The following HIVEP1 variants were observed in gnomAD, a reference collection of about 807,000 sequenced individuals.
The protein encoded by HIVEP1 is zinc finger protein 40.
HIVEP1 carries 36 observed loss-of-function variants against 180.0 expected under a neutral mutation model. The observed-to-expected ratio is 0.20, with a 90% CI of 0.15 to 0.26. HIVEP1 has a LOEUF of 0.26. HIVEP1 is among the 10% of genes least tolerant of loss of function. The pLI, the probability that HIVEP1 is intolerant of heterozygous loss-of-function variation, is 1.00. For missense variants in HIVEP1, 3,143 were observed against 3,268.7 expected (o/e 0.96, Z 0.94); for synonymous variants, 1,239 against 1,239.0 (o/e 1.00, Z 0.00).
At chr6:12,021,623 A>G (rs1244305400) in intron 2 of HIVEP1, among the ~76,000 whole-genome samples, 1 of 152,056 alleles carries the variant, frequency 6.6e-6, no homozygotes, top group Non-Finnish European at 1.5e-5. Flanking sequence ...GTTAGAAGAG[A>G]CCATTTTGGT....
intron 2 of HIVEP1, among the ~76,000 whole-genome samples, chr6:12,021,514 G>T (rs978947383): frequency 1.3e-5 from 2 of 151,906 alleles, no homozygotes; most frequent in Non-Finnish European, 2.9e-5. Context: ...ACATGCCCTG[G>T]GTCTCCTTTG....
At chr6:12,075,148 G>A (rs894952124) in intron 2 of HIVEP1, among the ~76,000 whole-genome samples, 4 of 152,240 alleles carry the variant, frequency 2.6e-5, no homozygotes, top group African/African-American at 4.8e-5. Flanking sequence ...CAGGCACGTA[G>A]ACACGTGCAT....
the HIVEP1 span, among the ~76,000 whole-genome samples, chr6:12,199,405 A>G: frequency 8.3e-6 from 1 of 120,494 alleles, no homozygotes; most frequent in African/African-American, 3.3e-5. Flanking sequence ...CTTGCTGCCC[A>G]GGCTGGAGGA....
At chr6:12,191,716 C>G in the HIVEP1 span, among the ~76,000 whole-genome samples, 13 of 152,248 alleles carry the variant, frequency 8.5e-5, no homozygotes, top group Middle Eastern at 3.4e-3. Context: ...ATCCAATACA[C>G]GGTGTAGTTA....
the HIVEP1 span, among the ~76,000 whole-genome samples, chr6:12,194,793 C>A: frequency 6.6e-6 from 1 of 152,106 alleles, no homozygotes; most frequent in East Asian, 1.9e-4. Context: ...CAGAGCGAGA[C>A]TGTGTCTCAA....
intron 2 of HIVEP1, chr6:12,038,887 T>C (rs988593701): frequency 7.2e-5 from 11 of 152,262 alleles, no homozygotes; most frequent in African/African-American, 2.7e-4. Flanking sequence ...GTTTTACTTC[T>C]GACTGTCATT....
chr6:12,118,256 T>A (rs1775346553), intron 3 of HIVEP1, among the ~76,000 whole-genome samples: 1 of 152,170 alleles, frequency 6.6e-6, no homozygotes, highest in Admixed American at 6.5e-5. Context: ...CTAGAATATT[T>A]CTAATGTAAA....
Position 12,161,742 on chromosome 6 carries a change from A to T in HIVEP1, c.6791A>T (p.Gln2264Leu), listed in dbSNP as rs778399344. 5.0e-6 allele frequency: 8 copies of T among 1,614,066 alleles called. No homozygotes were observed. Among genetic ancestry groups the T allele is most frequent in the African/African-American group, 2.7e-5 (2 of 74,944 alleles). ...AGAATGACTGTCCTGAGCACAGCAC[A>T]GTCTGACTACAATAGGAAGACACTC... ...LTRMTVLSTA[Q>L]SDYNRKTLSP... Residue 2264 changes from glutamine (Q) to leucine (L), a missense_variant, in exon 8 of 9, where the codon CAG (glutamine) becomes CTG (leucine). Around this residue, in one of 12 missense-constraint regions of HIVEP1, gnomAD observed 595 missense variants for 602.2 expected, o/e 0.99. Coordinates refer to ENST00000379388, the MANE Select transcript of HIVEP1 (RefSeq NM_002114.4).
chr6:12,186,482 G>A, the HIVEP1 span, among the ~76,000 whole-genome samples: 1 of 148,696 alleles, frequency 6.7e-6, no homozygotes, highest in African/African-American at 2.5e-5. Context: ...TGATGGAAAT[G>A]TTCTTACACA....
At chr6:12,132,430 G>C (rs1329346127) in intron 6 of HIVEP1, among the ~76,000 whole-genome samples, 1 of 152,008 alleles carries the variant, frequency 6.6e-6, no homozygotes, top group Admixed American at 6.6e-5. Flanking sequence ...TCAATAGAAA[G>C]AAGAAAAAGA....
chr6:12,184,800 G>T, the HIVEP1 span, among the ~76,000 whole-genome samples: 4 of 152,066 alleles, frequency 2.6e-5, no homozygotes, highest in Non-Finnish European at 4.4e-5. Context: ...AGAGTAAAAG[G>T]TTCAGCTGAA....
chr6:12,060,515 T>C (rs1274104655), intron 2 of HIVEP1, among the ~76,000 whole-genome samples: 1 of 152,212 alleles, frequency 6.6e-6, no homozygotes, highest in African/African-American at 2.4e-5. Context: ...AAAGAAACAA[T>C]GCATATTAAG....
At chr6:12,087,361 T>C (rs1773179802) in intron 2 of HIVEP1, among the ~76,000 whole-genome samples, 1 of 152,104 alleles carries the variant, frequency 6.6e-6, no homozygotes, top group Non-Finnish European at 1.5e-5. Context: ...ACTGATTCTA[T>C]TAAGAAAAGT....
chr6:12,021,496 C>A (rs1349889311), intron 2 of HIVEP1, among the ~76,000 whole-genome samples: 2 of 152,198 alleles, frequency 1.3e-5, no homozygotes, highest in Non-Finnish European at 1.5e-5. Flanking sequence ...TCCTCCTCCC[C>A]TCCACAGACA....
chr6:12,197,383 C>A, the HIVEP1 span, among the ~76,000 whole-genome samples: 1 of 151,794 alleles, frequency 6.6e-6, no homozygotes, highest in Non-Finnish European at 1.5e-5. Context: ...CATGGCGAAA[C>A]CCCGTCTCTA....
rs1760543186 is a variant in HIVEP1, at chr6:12,163,551, T to C, written c.7247T>C (p.Phe2416Ser). ...VVPAGLTYST[F>S]VPLQAGPVQL... ...CCTGCTGGCCTCACATACTCCACGT[T>C]TGTGCCCCTTCAGGCTGGACCAGTG... The change falls in exon 9 of 9, where the codon TTT becomes TCT. Residue 2416 changes from phenylalanine (F) to serine (S), a missense_variant. Phe to Ser is a radical substitution (Grantham distance 155). Coordinates refer to ENST00000379388, the MANE Select transcript of HIVEP1 (RefSeq NM_002114.4). The C allele has an allele frequency of 6.2e-7, 1 of 1,614,202 alleles. No homozygotes were observed. The highest frequency in any genetic ancestry group is 2.2e-5 in the East Asian group (1 of 44,890).
At chr6:12,205,998 TCCTAATA>T in the HIVEP1 span, among the ~76,000 whole-genome samples, 1 of 152,278 alleles carries the variant, frequency 6.6e-6, no homozygotes, top group South Asian at 2.1e-4. Context: ...TGTGTGGAAG[TCCTAATA>T]CCCGGTACCT....
At chr6:12,199,763 T>C in the HIVEP1 span, among the ~76,000 whole-genome samples, 1 of 152,196 alleles carries the variant, frequency 6.6e-6, no homozygotes, top group Non-Finnish European at 1.5e-5. Context: ...GTTGTACAAG[T>C]GGAAAACATA....
chr6:12,095,458 C>T (rs116435950), intron 3 of HIVEP1, among the ~76,000 whole-genome samples: 4,235 of 148,524 alleles, frequency 0.029, 94 homozygotes, highest in Non-Finnish European at 0.046. Flanking sequence ...ATGCTGGTTT[C>T]TTCTCTGACC....
Sources: gnomAD v4.1 joint callset for allele counts (sites outside exome capture counted in the v4.1 genomes callset) on GRCh38, gnomAD v4.1.1 for gene constraint, gnomAD v4.1.1 regional missense constraint, MANE v1.5 for transcripts, NCBI Gene and HGNC (gene_info 2026-07-23, HGNC 2026-07-21) for gene names.